Variants in ATF7 observed in about 807,000 individuals in gnomAD.
The protein encoded by ATF7 is cyclic AMP-dependent transcription factor ATF-7.
A neutral mutation model predicts 50.4 loss-of-function variants in ATF7; 10 were observed. The observed-to-expected ratio is 0.20, with a 90% CI of 0.12 to 0.34. ATF7 has a LOEUF of 0.34. ATF7 is among the 10% of genes least tolerant of loss of function. ATF7 has a pLI of 1.00. For synonymous variants in ATF7, 201 were observed against 226.4 expected, an observed-to-expected ratio of 0.89 and a Z score of 1.01; for missense variants, 465 against 613.9, an observed-to-expected ratio of 0.76 and a Z score of 2.56.
chr12:53,579,063 A>G (rs1942251533), intron 2 of ATF7, among the ~76,000 whole-genome samples: 1 of 151,284 alleles, frequency 6.6e-6, no homozygotes, highest in South Asian at 2.1e-4. Context: ...GCCAACAGAG[A>G]GAAACCCTGT....
intron 2 of ATF7, among the ~76,000 whole-genome samples, chr12:53,561,240 G>A (rs888733271): frequency 7.3e-5 from 11 of 149,840 alleles, no homozygotes; most frequent in South Asian, 2.1e-4. Flanking sequence ...ACTTGGGGGC[G>A]TATTTTGATG....
chr12:53,523,260 G>C lies in ATF7; in HGVS notation c.1234+16C>G, dbSNP rs757922268. ...TTACTGACTGACTGACTTAGCTTAGGTTGTGTGCCACTCACCTAAATAGCC... is the reference window on the plus strand; with the variant it reads ...TTACTGACTGACTGACTTAGCTTAGCTTGTGTGCCACTCACCTAAATAGCC... On this transcript the variant is annotated intron_variant, in intron 11 of 11. Coordinates refer to ENST00000420353, the MANE Select transcript of ATF7 (RefSeq NM_006856.3). The C allele has an allele frequency of 3.9e-6, 6 of 1,557,206 alleles. No homozygotes were observed. Among genetic ancestry groups the C allele is most frequent in the Non-Finnish European group, 5.3e-6 (6 of 1,128,704 alleles).
intron 3 of ATF7, among the ~76,000 whole-genome samples, chr12:53,547,815 C>T (rs937904516): frequency 1.3e-5 from 2 of 151,822 alleles, no homozygotes; most frequent in African/African-American, 4.8e-5. Flanking sequence ...TTTTTAGATA[C>T]AGGGTCTCAC....
At chr12:53,537,271 GTT>G (rs1939278693) in intron 5 of ATF7, 142 bp downstream of exon 5, 2 of 1,032,274 alleles carry the variant, frequency 1.9e-6, no homozygotes, top group East Asian at 5.4e-5. Context: ...GTTTCTCCAT[GTT>G]GCCCAGGCTG....
chr12:53,538,901 T>G (rs1027573403), intron 4 of ATF7, among the ~76,000 whole-genome samples: 1 of 152,206 alleles, frequency 6.6e-6, no homozygotes, highest in Admixed American at 6.5e-5. Flanking sequence ...TTTTTCTACA[T>G]AGCTAAGATG....
At chr12:53,537,994 G>A (rs1030185489) in intron 4 of ATF7, among the ~76,000 whole-genome samples, 6 of 152,158 alleles carry the variant, frequency 3.9e-5, no homozygotes, top group Non-Finnish European at 8.8e-5. Context: ...TTACAGGAAT[G>A]AGCCACTGCA....
intron 2 of ATF7, among the ~76,000 whole-genome samples, chr12:53,593,062 C>T (rs934017270): frequency 6.6e-6 from 1 of 152,122 alleles, no homozygotes; most frequent in East Asian, 1.9e-4. Context: ...CTCAGTATGA[C>T]TGAACTCCAG....
In ATF7 at chr12:53,533,172, C is replaced by G. The variant is rs745541567; in HGVS notation, c.648G>C (p.Pro216=). The change falls in exon 7 of 12, where the codon CCG becomes CCC. Residue 216 remains proline, a synonymous_variant. Transcript: ENST00000420353. ...CTACAGAGCTCACCGATATAACAGA[C>G]GGCATCTGTACTGGAGGCCCTGGCA... ...PVLPGPPVQM[P]SVISLARPVS... The G allele has an allele frequency of 6.2e-7, 1 of 1,612,212 alleles. No homozygotes were observed. Among genetic ancestry groups the G allele is most frequent in the Non-Finnish European group, 8.5e-7 (1 of 1,178,526 alleles).
chr12:53,587,488 A>G (rs1470603367), intron 2 of ATF7, among the ~76,000 whole-genome samples: 1 of 151,548 alleles, frequency 6.6e-6, no homozygotes, highest in Non-Finnish European at 1.5e-5. Flanking sequence ...AGCTTGGCCA[A>G]TATGGTGAAA....
At chr12:53,605,700 G>A (rs1168333564) in intron 1 of ATF7, among the ~76,000 whole-genome samples, 1 of 152,198 alleles carries the variant, frequency 6.6e-6, no homozygotes, top group Non-Finnish European at 1.5e-5. Flanking sequence ...AAATTGTGAT[G>A]TGTTAGTGAC....
At chr12:53,614,700 C>T (rs555298923) in intron 1 of ATF7, among the ~76,000 whole-genome samples, 14 of 152,280 alleles carry the variant, frequency 9.2e-5, no homozygotes, top group African/African-American at 2.2e-4. Flanking sequence ...TTCCAATGCT[C>T]GCCAATTCAC....
chr12:53,579,551 C>CA (rs532383571), intron 2 of ATF7, among the ~76,000 whole-genome samples: 6,996 of 60,444 alleles, frequency 0.12, 296 homozygotes, highest in African/African-American at 0.21. Flanking sequence ...AACTCCGTCT[C>CA]AAAAAAAAAA....
At chr12:53,624,628 G>A (rs543918369) in intron 1 of ATF7, among the ~76,000 whole-genome samples, 4 of 152,190 alleles carry the variant, frequency 2.6e-5, no homozygotes, top group South Asian at 2.1e-4. Context: ...GTTACATTTC[G>A]CAAGAGCCTC....
chr12:53,609,930 C>A (rs1195499946), intron 1 of ATF7, among the ~76,000 whole-genome samples: 1 of 148,734 alleles, frequency 6.7e-6, no homozygotes, highest in Non-Finnish European at 1.5e-5. Flanking sequence ...GATTCTCATG[C>A]CTCAGCCTCT....
intron 1 of ATF7, among the ~76,000 whole-genome samples, chr12:53,617,338 C>T (rs1448886185): frequency 6.6e-6 from 1 of 152,130 alleles, no homozygotes; most frequent in Non-Finnish European, 1.5e-5. Flanking sequence ...CTTAAAACTA[C>T]TATACTAGGC....
rs201770798 is a variant in ATF7 at position 53,561,958 on chromosome 12, TGAA to T, written c.49-9324_49-9322del. Among the ~76,000 whole-genome samples, 1,219 of 152,256 alleles carry T rather than the reference TGAA, an allele frequency of 8.0e-3. 16 individuals are homozygous for T. The highest frequency in any genetic ancestry group is 0.028 in the African/African-American group (1,158 of 41,528). On this transcript the variant is annotated intron_variant, in intron 2 of 11. Transcript: ENST00000420353. ...CAAAGATAAAATGTTGTCAGGGGAA[TGAA>T]GGAGGACAAACTAAACAGAGGAGCG...
At chr12:53,597,147 T>C (rs1342521090) in intron 2 of ATF7, among the ~76,000 whole-genome samples, 2 of 152,108 alleles carry the variant, frequency 1.3e-5, no homozygotes, top group African/African-American at 4.8e-5. Context: ...ATCACCTGTC[T>C]TTTCCGCTAA....
chr12:53,508,239 C>T (rs1944057487), downstream of ATF7: 1 of 150,844 alleles, frequency 6.6e-6, no homozygotes, highest in Non-Finnish European at 1.5e-5. Context: ...CATGCCCAGC[C>T]TGTATCTTTT....
chr12:53,618,546 AAC>A (rs1243714562), intron 1 of ATF7, among the ~76,000 whole-genome samples: 1 of 152,224 alleles, frequency 6.6e-6, no homozygotes, highest in Non-Finnish European at 1.5e-5. Context: ...GTCTAAAATT[AAC>A]AAGCAGGAAA....
Sources: allele counts gnomAD v4.1 joint callset (sites outside exome capture counted in the v4.1 genomes callset), GRCh38; gene constraint gnomAD v4.1.1; transcripts MANE v1.5; gene names NCBI Gene and HGNC (gene_info 2026-07-23, HGNC 2026-07-21).